NAV2: variants seen among roughly 807,000 people sequenced by gnomAD.
The protein encoded by NAV2 is helicase, APC down-regulated 1.
Under a neutral mutation model 223.2 loss-of-function variants are expected in NAV2, and 54 were observed. That is an observed-to-expected ratio of 0.24 (90% CI 0.19 to 0.30). The LOEUF is 0.30. NAV2 is among the 10% of genes least tolerant of loss of function. NAV2 has a pLI of 1.00. For missense variants in NAV2, 2,806 were observed against 3,147.5 expected (o/e 0.89, Z 2.60); for synonymous variants, 1,279 against 1,239.3 (o/e 1.03, Z -0.67).
chr11:20,106,558 A>G (rs1414145265), intron 35 of NAV2, among the ~76,000 whole-genome samples: 6 of 148,986 alleles, frequency 4.0e-5, no homozygotes, highest in Admixed American at 6.7e-5. Flanking sequence ...AGACTCCAAA[A>G]AAAAAAAAAA....
intron 1 of NAV2, among the ~76,000 whole-genome samples, chr11:19,831,545 A>G (rs1166907297): frequency 1.3e-5 from 2 of 152,202 alleles, no homozygotes; most frequent in Non-Finnish European, 2.9e-5. Context: ...ATGTTCACAT[A>G]TACACTCTTC....
At chr11:19,858,731 T>C (rs2061521658) in intron 3 of NAV2, among the ~76,000 whole-genome samples, 1 of 152,236 alleles carries the variant, frequency 6.6e-6, no homozygotes, top group African/African-American at 2.4e-5. Flanking sequence ...CCACAAAGTT[T>C]TTTGGATAGA....
chr11:19,956,396 G>T (rs7942790), intron 10 of NAV2, among the ~76,000 whole-genome samples: 88,006 of 148,842 alleles, frequency 0.59, 27,036 homozygotes, highest in African/African-American at 0.78. Context: ...ACACACACAC[G>T]CTCTCTCTCT....
intron 3 of NAV2, among the ~76,000 whole-genome samples, chr11:19,866,202 A>G (rs2062080336): frequency 6.6e-6 from 1 of 152,242 alleles, no homozygotes. Flanking sequence ...AGCACTGTTG[A>G]TGTTTTGGAC....
At chr11:19,345,307 C>T in the NAV2 span, among the ~76,000 whole-genome samples, 4 of 152,228 alleles carry the variant, frequency 2.6e-5, no homozygotes, top group African/African-American at 9.6e-5. This position sits in a 1 kb window ranked among gnomAD's most constrained non-coding sequence, Gnocchi z 5.2. Context: ...CCGGTGTGGG[C>T]GCAGGTAGGA....
chr11:19,522,476 G>T (rs888300446), intron 1 of NAV2, among the ~76,000 whole-genome samples: 1 of 152,184 alleles, frequency 6.6e-6, no homozygotes, highest in African/African-American at 2.4e-5. Flanking sequence ...TCAGCAGTAA[G>T]GGGCCAGCAA....
intron 3 of NAV2, among the ~76,000 whole-genome samples, chr11:19,859,722 C>T (rs2153005622): frequency 6.6e-6 from 1 of 151,762 alleles, no homozygotes; most frequent in East Asian, 2.0e-4. Context: ...GGTGGCCGGG[C>T]AGAGGCGCCC....
chr11:19,608,373 G>T (rs1305404210), intron 1 of NAV2, among the ~76,000 whole-genome samples: 1 of 152,206 alleles, frequency 6.6e-6, no homozygotes, highest in Non-Finnish European at 1.5e-5. Flanking sequence ...ACTATGAAAA[G>T]AAAGCACAAG....
intron 10 of NAV2, among the ~76,000 whole-genome samples, chr11:19,967,132 G>C (rs1004372747): frequency 1.3e-5 from 2 of 152,138 alleles, no homozygotes; most frequent in Admixed American, 1.3e-4. Context: ...GAAGTCCCTT[G>C]TCCAAGGTCA....
intron 2 of NAV2, among the ~76,000 whole-genome samples, chr11:19,833,576 C>T (rs933291292): frequency 6.6e-6 from 1 of 152,180 alleles, no homozygotes; most frequent in African/African-American, 2.4e-5. Context: ...TTTTCCTCCT[C>T]TCCCTGTATT....
At chr11:19,704,855 A>G (rs2049610781) in intron 1 of NAV2, among the ~76,000 whole-genome samples, 1 of 151,956 alleles carries the variant, frequency 6.6e-6, no homozygotes, top group African/African-American at 2.4e-5. Context: ...TACTAAAAAT[A>G]CAAAAATTAG....
chr11:19,851,411 G>A (rs1212749498), intron 3 of NAV2, among the ~76,000 whole-genome samples: 1 of 152,230 alleles, frequency 6.6e-6, no homozygotes. Flanking sequence ...TCTGTTTTGG[G>A]AAGGAGATGT....
intron 3 of NAV2, among the ~76,000 whole-genome samples, chr11:19,866,216 A>C (rs1267762493): frequency 6.6e-6 from 1 of 152,202 alleles, no homozygotes; most frequent in Non-Finnish European, 1.5e-5. Context: ...TTTGGACTGG[A>C]CAGTTCTTTG....
chr11:19,597,509 G>A (rs2046233899), intron 1 of NAV2, among the ~76,000 whole-genome samples: 1 of 152,190 alleles, frequency 6.6e-6, no homozygotes, highest in African/African-American at 2.4e-5. Context: ...CTATGAAGAA[G>A]CCATTTATTT....
intron 6 of NAV2, among the ~76,000 whole-genome samples, chr11:19,913,200 C>T (rs559418811): frequency 2.6e-5 from 4 of 152,316 alleles, no homozygotes; most frequent in Non-Finnish European, 4.4e-5. Flanking sequence ...AATTTGATCT[C>T]ATTTTCAGCA....
At chr11:19,879,407 C>T (rs1013231516) in intron 4 of NAV2, among the ~76,000 whole-genome samples, 9 of 152,176 alleles carry the variant, frequency 5.9e-5, no homozygotes, top group Middle Eastern at 3.4e-3. Flanking sequence ...GAGAGTAGGA[C>T]GACTGGGGAA....
Position 19,713,599 on chromosome 11 carries a change from A to C in NAV2, c.-97A>C, listed in dbSNP as rs1019572584. 2 of 1,436,138 alleles carry C rather than the reference A, an allele frequency of 1.4e-6. No individual in the cohort carries two copies. The highest frequency in any genetic ancestry group is 5.3e-5 in the Admixed American group (2 of 37,458). 89.0% of individuals were successfully genotyped at this position (1,436,138 alleles called of 1,614,324 possible). A position where few individuals can be genotyped will look rare whatever the true frequency, so the allele number is the denominator to read the frequency against. ...CTGGTGGTGGGCGCCTCGTGGGCTA[A>C]GGCCCGGCGCCTGCTCTGCTACCCG... On this transcript the variant is annotated 5_prime_UTR_variant, in exon 1 of 38. Transcript: ENST00000349880. The surrounding 1 kb of genome is among the most constrained non-coding windows in gnomAD (Gnocchi z 7.2).
At chr11:19,953,849 ACG>A (rs140047278) in intron 10 of NAV2, among the ~76,000 whole-genome samples, 86 of 126,330 alleles carry the variant, frequency 6.8e-4, no homozygotes, top group Admixed American at 9.0e-4. Context: ...AGAAATGTGC[ACG>A]CGCGCGCGTG....
chr11:19,580,067 C>T (rs1442629361), intron 1 of NAV2, among the ~76,000 whole-genome samples: 1 of 152,210 alleles, frequency 6.6e-6, no homozygotes, highest in East Asian at 1.9e-4. Context: ...AAACGGAAAG[C>T]TCTATGAATG....
Sources: gnomAD v4.1 joint callset for allele counts (sites outside exome capture counted in the v4.1 genomes callset) on GRCh38, gnomAD v4.1.1 for gene constraint, Gnocchi (gnomAD v3.1) non-coding constraint, MANE v1.5 for transcripts, NCBI Gene and HGNC (gene_info 2026-07-23, HGNC 2026-07-21) for gene names.